Variants in GALNTL6 observed in about 807,000 individuals in gnomAD.
The protein encoded by GALNTL6 is polypeptide N-acetylgalactosaminyltransferase-like 6.
GALNTL6 carries 46 observed loss-of-function variants against 73.7 expected under a neutral mutation model. That is an observed-to-expected ratio of 0.62 (90% confidence interval 0.49 to 0.80). GALNTL6 has a LOEUF of 0.80. GALNTL6 is among the 30% of genes least tolerant of loss of function. The probability of loss-of-function intolerance (pLI) is 0.00; values close to 1 mark genes in which losing one functional copy is unlikely to be tolerated. For missense variants in GALNTL6, 604 were observed against 755.0 expected (o/e 0.80, Z 2.34); for synonymous variants, 259 against 263.7 (o/e 0.98, Z 0.17).
chr4:172,110,819 A>T (rs1325210486), intron 2 of GALNTL6, among the ~76,000 whole-genome samples: 1 of 152,274 alleles, frequency 6.6e-6, no homozygotes, highest in Middle Eastern at 3.4e-3. Context: ...ACTGACACCC[A>T]TAACTCCTAA....
intron 2 of GALNTL6, among the ~76,000 whole-genome samples, chr4:171,983,123 C>T (rs1246839676): frequency 2.6e-5 from 4 of 152,136 alleles, no homozygotes; most frequent in African/African-American, 4.8e-5. Context: ...ACATCCTCCC[C>T]CTTGTCTAAA....
At chr4:172,216,695 G>C (rs1327994258) in intron 2 of GALNTL6, among the ~76,000 whole-genome samples, 1 of 152,054 alleles carries the variant, frequency 6.6e-6, no homozygotes. Flanking sequence ...TCAACAAAAA[G>C]AGTCAAACAC....
At chr4:172,310,991 TA>T in intron 3 of GALNTL6, among the ~76,000 whole-genome samples, 1 of 152,206 alleles carries the variant, frequency 6.6e-6, no homozygotes, top group East Asian at 1.9e-4. Flanking sequence ...AAGAAATTAT[TA>T]ATTCATAGTA....
chr4:172,803,920 T>C (rs1464288556), intron 5 of GALNTL6, among the ~76,000 whole-genome samples: 1 of 152,208 alleles, frequency 6.6e-6, no homozygotes, highest in East Asian at 1.9e-4. Context: ...AATTGTGAAA[T>C]GCCTATAGTC....
intron 5 of GALNTL6, among the ~76,000 whole-genome samples, chr4:172,577,205 A>G (rs527508744): frequency 4.6e-4 from 70 of 152,336 alleles, no homozygotes; most frequent in Middle Eastern, 3.4e-3. Flanking sequence ...CCAAGCAAAT[A>G]TAGCACTACT....
chr4:172,922,316 G>T (rs575362339), intron 8 of GALNTL6, among the ~76,000 whole-genome samples: 111 of 152,082 alleles, frequency 7.3e-4, no homozygotes, highest in African/African-American at 2.6e-3. Context: ...ACTTTTTTTA[G>T]ACTATCATCA....
intron 5 of GALNTL6, among the ~76,000 whole-genome samples, chr4:172,781,344 C>A (rs146552837): frequency 1.7e-4 from 26 of 152,228 alleles, no homozygotes; most frequent in African/African-American, 6.3e-4. Flanking sequence ...AGGTAAGAAT[C>A]TTAGCCAATT....
chr4:172,762,451 T>TAAA (rs5864167), intron 5 of GALNTL6, among the ~76,000 whole-genome samples: 19 of 145,576 alleles, frequency 1.3e-4, no homozygotes, highest in African/African-American at 4.5e-4. Flanking sequence ...GTGTCAAACT[T>TAAA]AAAAAAAAAA....
chr4:172,264,159 C>T (rs1449400160), intron 3 of GALNTL6, among the ~76,000 whole-genome samples: 1 of 151,502 alleles, frequency 6.6e-6, no homozygotes, highest in Non-Finnish European at 1.5e-5. Flanking sequence ...AGGAAGACAA[C>T]TTTTGTCCCA....
intron 2 of GALNTL6, among the ~76,000 whole-genome samples, chr4:171,995,505 AT>A (rs932844653): frequency 1.7e-4 from 26 of 152,122 alleles, no homozygotes; most frequent in African/African-American, 5.3e-4. Context: ...AATGCAATAC[AT>A]TTTTTAATGT....
At chr4:172,657,377 A>G (rs567622044) in intron 5 of GALNTL6, among the ~76,000 whole-genome samples, 3 of 152,318 alleles carry the variant, frequency 2.0e-5, no homozygotes, top group Non-Finnish European at 4.4e-5. Context: ...GAAGAAATTC[A>G]TCTTCTAAAG....
intron 2 of GALNTL6, among the ~76,000 whole-genome samples, chr4:171,904,078 G>A (rs948238835): frequency 5.3e-5 from 8 of 152,172 alleles, no homozygotes; most frequent in Non-Finnish European, 1.0e-4. Flanking sequence ...ACTCTAAAAA[G>A]CAGAGCGCCT....
chr4:172,120,566 A>T lies in GALNTL6; in HGVS notation c.139-109090A>T, dbSNP rs148454523. On this transcript the variant is annotated intron_variant, in intron 2 of 12. Transcript: ENST00000506823. ...ATCTGCAAAGTTCTTTTTCCATGTA[A>T]AGTAACATATTGATAGGTTCTGGGT... 3.9e-3 allele frequency among the ~76,000 whole-genome samples: 590 copies of T among 152,192 alleles called. 7 individuals are homozygous for T. The highest frequency in any genetic ancestry group is 0.03 in the Admixed American group (462 of 15,270).
chr4:172,156,378 G>A (rs958872226), intron 2 of GALNTL6, among the ~76,000 whole-genome samples: 3 of 151,390 alleles, frequency 2.0e-5, no homozygotes, highest in Admixed American at 6.6e-5. Flanking sequence ...AATGCCTGAG[G>A]AAAAAACTAT....
chr4:172,047,310 T>C (rs1742249294), intron 2 of GALNTL6, among the ~76,000 whole-genome samples: 2 of 152,162 alleles, frequency 1.3e-5, no homozygotes, highest in African/African-American at 4.8e-5. Flanking sequence ...ACTAAAGATA[T>C]ATGCTACGGA....
At chr4:172,436,225 A>G (rs972745737) in intron 5 of GALNTL6, among the ~76,000 whole-genome samples, 2 of 152,140 alleles carry the variant, frequency 1.3e-5, no homozygotes, top group African/African-American at 4.8e-5. Context: ...ACCTCTTACC[A>G]CTGCAAATAC....
At chr4:172,053,004 A>G (rs924651947) in intron 2 of GALNTL6, among the ~76,000 whole-genome samples, 2 of 152,230 alleles carry the variant, frequency 1.3e-5, no homozygotes, top group African/African-American at 4.8e-5. Flanking sequence ...ACCAGGCAGC[A>G]CAATGAAAGA....
chr4:172,026,127 AC>A (rs1741565789), intron 2 of GALNTL6, among the ~76,000 whole-genome samples: 1 of 152,056 alleles, frequency 6.6e-6, no homozygotes, highest in African/African-American at 2.4e-5. Context: ...TAAAGTATAC[AC>A]GAATCATGTA....
At chr4:172,740,948 G>T (rs1736768373) in intron 5 of GALNTL6, among the ~76,000 whole-genome samples, 1 of 152,110 alleles carries the variant, frequency 6.6e-6, no homozygotes, top group South Asian at 2.1e-4. Flanking sequence ...AAGATTATGT[G>T]TTGAATGGCC....
Sources: allele counts gnomAD v4.1 joint callset (sites outside exome capture counted in the v4.1 genomes callset), GRCh38; gene constraint gnomAD v4.1.1; transcripts MANE v1.5; gene names NCBI Gene and HGNC (gene_info 2026-07-23, HGNC 2026-07-21).